ZNF804B: variants seen among roughly 807,000 people sequenced by gnomAD.
The protein encoded by ZNF804B is zinc finger protein 804B, also known as zinc finger 804B.
In ZNF804B, 80 loss-of-function variants were observed where a neutral mutation model predicts 101.4. The ratio of observed to expected loss-of-function variants is 0.79; its 90% CI spans 0.66 to 0.95. The LOEUF is 0.95. ZNF804B is among the 40% of genes least tolerant of loss of function. ZNF804B has a pLI of 0.00. For missense variants in ZNF804B, 1,673 were observed against 1,561.9 expected, an observed-to-expected ratio of 1.07 and a Z score of -1.20; for synonymous variants, 622 against 558.8, an observed-to-expected ratio of 1.11 and a Z score of -1.59.
At chr7:88,783,359 T>C (rs776056904) in intron 1 of ZNF804B, among the ~76,000 whole-genome samples, 1 of 152,146 alleles carries the variant, frequency 6.6e-6, no homozygotes, top group African/African-American at 2.4e-5. Context: ...AGATGGGGAC[T>C]ACCTCTAGCT....
intron 1 of ZNF804B, among the ~76,000 whole-genome samples, chr7:89,117,740 A>T (rs1436147986): frequency 6.6e-6 from 1 of 152,204 alleles, no homozygotes; most frequent in South Asian, 2.1e-4. Flanking sequence ...TACTCATTAC[A>T]TATGTAACTA....
intron 2 of ZNF804B, among the ~76,000 whole-genome samples, chr7:89,226,656 C>T (rs1789093455): frequency 6.6e-6 from 1 of 151,944 alleles, no homozygotes; most frequent in Admixed American, 6.6e-5. Context: ...CATATATTTT[C>T]ACTTAATGTT....
At chr7:88,782,467 A>G (rs1294712197) in intron 1 of ZNF804B, among the ~76,000 whole-genome samples, 1 of 152,082 alleles carries the variant, frequency 6.6e-6, no homozygotes, top group Non-Finnish European at 1.5e-5. Flanking sequence ...ATATATGTAT[A>G]TACGTGCACA....
rs114501026 is a variant in ZNF804B at position 89,031,303 on chromosome 7, T to A, written c.109-186852T>A. Among the ~76,000 whole-genome samples the A allele has an allele frequency of 9.9e-3, 1,497 of 151,572 alleles. 16 individuals carry two copies. Among genetic ancestry groups the A allele is most frequent in the African/African-American group, 0.035 (1,438 of 41,368 alleles). Reference sequence around the variant, plus strand: ...TTTCTCTGACTATACCCACCTAGACTCAATTACCCTTTGCGCACGGCCCCT... The same window carrying A: ...TTTCTCTGACTATACCCACCTAGACACAATTACCCTTTGCGCACGGCCCCT... On this transcript the variant is annotated intron_variant, in intron 1 of 3. Coordinates refer to ENST00000333190, the MANE Select transcript of ZNF804B (RefSeq NM_181646.5).
rs373638328 is a variant in ZNF804B at position 89,272,621 on chromosome 7, G to T, written c.249+54326G>T. On this transcript the variant is annotated intron_variant, in intron 2 of 3. Transcript: ENST00000333190. The stretch of plus-strand genomic sequence containing the variant: ...TTTCACAAAATAACTAAGTTTTCCC[G>T]CTACCCCTTTATGTTCCTGTCACTT... Among the ~76,000 whole-genome samples, 41 of 152,076 alleles carry T rather than the reference G, an allele frequency of 2.7e-4. No homozygotes were observed. In the South Asian group the frequency reaches 8.5e-3, roughly 31 times the overall value.
In ZNF804B at chr7:89,173,259, C is replaced by G. The variant is rs1172944148; in HGVS notation, c.109-44896C>G. On this transcript the variant is annotated intron_variant, in intron 1 of 3. Coordinates refer to ENST00000333190, the MANE Select transcript of ZNF804B (RefSeq NM_181646.5). ...GCCTACACCATTCCACAATAAGTTCCTCTCTTCTCTGTATTTATTAATTGT... is the reference window on the plus strand; with the variant it reads ...GCCTACACCATTCCACAATAAGTTCGTCTCTTCTCTGTATTTATTAATTGT... Among the ~76,000 whole-genome samples the G allele has an allele frequency of 5.9e-5, 9 of 151,976 alleles. No homozygotes were observed. In the East Asian group the frequency reaches 1.7e-3, roughly 29 times the overall value.
At chr7:89,190,331 G>A (rs535102733) in intron 1 of ZNF804B, among the ~76,000 whole-genome samples, 6 of 131,274 alleles carry the variant, frequency 4.6e-5, no homozygotes, top group East Asian at 4.2e-4. Flanking sequence ...GCAAAACTCC[G>A]TCTTAAAAAA....
intron 1 of ZNF804B, among the ~76,000 whole-genome samples, chr7:88,981,779 T>C (rs1043061500): frequency 2.6e-5 from 4 of 151,984 alleles, no homozygotes; most frequent in Non-Finnish European, 5.9e-5. Flanking sequence ...TGAACTCTAA[T>C]GCAAAGTCCC....
At chr7:89,034,444 C>T (rs1039501283) in intron 1 of ZNF804B, among the ~76,000 whole-genome samples, 1 of 151,952 alleles carries the variant, frequency 6.6e-6, no homozygotes, top group African/African-American at 2.4e-5. Flanking sequence ...TGTTCCCCTC[C>T]CTCTGTCCAT....
chr7:88,782,247 G>T (rs1042016238), intron 1 of ZNF804B, among the ~76,000 whole-genome samples: 12 of 151,898 alleles, frequency 7.9e-5, no homozygotes, highest in Admixed American at 7.2e-4. Context: ...TACACTCTGA[G>T]AAAAGTCCAT....
rs959769535 is a variant in ZNF804B at position 89,018,116 on chromosome 7, C to T, written c.109-200039C>T. On this transcript the variant is annotated intron_variant, in intron 1 of 3. Coordinates refer to ENST00000333190, the MANE Select transcript of ZNF804B (RefSeq NM_181646.5). ...TCGATATATTAGAGGACAGGCTTTC[C>T]GTTTTTCCCTATACAGTATGATGCT... Among the ~76,000 whole-genome samples the T allele has an allele frequency of 3.3e-5, 5 of 152,078 alleles. No individual in the cohort carries two copies. The East Asian group carries it at 5.8e-4, about 18-fold the overall frequency.
At chr7:89,251,994 T>G (rs1397932574) in intron 2 of ZNF804B, among the ~76,000 whole-genome samples, 2 of 152,130 alleles carry the variant, frequency 1.3e-5, no homozygotes, top group African/African-American at 2.4e-5. Context: ...GATGCCGGCC[T>G]TCAGAAATAA....
At chr7:89,021,763 A>G (rs189122597) in intron 1 of ZNF804B, among the ~76,000 whole-genome samples, 1 of 152,284 alleles carries the variant, frequency 6.6e-6, no homozygotes, top group East Asian at 1.9e-4. Context: ...GAATGAAGAT[A>G]CAGCCCCAGT....
intron 2 of ZNF804B, among the ~76,000 whole-genome samples, chr7:89,226,854 A>G (rs1787034434): frequency 6.6e-6 from 1 of 152,120 alleles, no homozygotes; most frequent in Non-Finnish European, 1.5e-5. Flanking sequence ...ATTTTGCATC[A>G]CTGCCTATTA....
At chr7:89,119,343 A>C (rs1790363844) in intron 1 of ZNF804B, among the ~76,000 whole-genome samples, 1 of 152,224 alleles carries the variant, frequency 6.6e-6, no homozygotes, top group Non-Finnish European at 1.5e-5. Context: ...TTTGAAGCCA[A>C]GGGAAAGGAA....
intron 2 of ZNF804B, among the ~76,000 whole-genome samples, chr7:89,312,206 A>G (rs781612133): frequency 3.9e-5 from 6 of 152,156 alleles, no homozygotes; most frequent in Non-Finnish European, 8.8e-5. Context: ...AGCTTCTCCT[A>G]AAATCTAGAA....
intron 2 of ZNF804B, among the ~76,000 whole-genome samples, chr7:89,300,973 G>A (rs1790463065): frequency 6.6e-6 from 1 of 151,668 alleles, no homozygotes; most frequent in Admixed American, 6.6e-5. Context: ...GCATTGCACA[G>A]GGATAAAAGC....
At chr7:89,159,202 T>G (rs1196451041) in intron 1 of ZNF804B, among the ~76,000 whole-genome samples, 1 of 152,160 alleles carries the variant, frequency 6.6e-6, no homozygotes, top group Non-Finnish European at 1.5e-5. Context: ...TAATTAGTTA[T>G]TTAGTTTTTC....
chr7:88,898,972 A>G (rs1348653227), intron 1 of ZNF804B, among the ~76,000 whole-genome samples: 2 of 152,182 alleles, frequency 1.3e-5, no homozygotes, highest in Non-Finnish European at 2.9e-5. Context: ...TTCTAGAGCC[A>G]ATCAGAGCCA....
Sources: allele counts gnomAD v4.1 joint callset (sites outside exome capture counted in the v4.1 genomes callset), GRCh38; gene constraint gnomAD v4.1.1; transcripts MANE v1.5; gene names NCBI Gene and HGNC (gene_info 2026-07-23, HGNC 2026-07-21).